TBX6: variants seen among roughly 807,000 people sequenced by gnomAD.
TBX6 encodes the protein T-box transcription factor TBX6.
Under a neutral mutation model 42.3 loss-of-function variants are expected in TBX6, and 29 were observed. That is an observed-to-expected ratio of 0.69 (90% CI 0.51 to 0.93). The LOEUF is 0.93. TBX6 is among the 40% of genes least tolerant of loss of function. The pLI is 0.00. For missense variants in TBX6, 569 were observed against 603.3 expected, an observed-to-expected ratio of 0.94 and a Z score of 0.59; for synonymous variants, 249 against 245.1, an observed-to-expected ratio of 1.02 and a Z score of -0.15.
rs1490709379 is a variant in TBX6 at position 30,086,281 on chromosome 16, G to C, written c.1255C>G (p.Leu419Val). Residue 419 changes from leucine to valine, a missense_variant, in exon 9 of 9, where the codon CTA becomes GTA. Coordinates refer to ENST00000395224, the MANE Select transcript of TBX6 (RefSeq NM_004608.4). This position sits in a 1 kb window ranked among gnomAD's most constrained non-coding sequence, Gnocchi z 4.6. ...TAGCCCCCAGGCGCGGTGTATGGTA[G>C]AGGGAAGGGGCCCCCTTGGAGAAAG... ...PHFLQGGPFP[L>V]PYTAPGGYLD... The C allele has an allele frequency of 1.2e-6, 2 of 1,612,034 alleles. No homozygotes were observed. The highest frequency in any genetic ancestry group is 1.3e-5 in the African/African-American group (1 of 74,950).
In TBX6 at chr16:30,091,249, A is replaced by G; in HGVS notation, c.-48-8T>C. 1.5e-6 allele frequency: 2 copies of G among 1,359,770 alleles called. No homozygotes were observed. The highest frequency in any genetic ancestry group is 9.9e-7 in the Non-Finnish European group (1 of 1,007,164). The allele number at this position is 1,359,770 out of a possible 1,614,324, so 84.2% of individuals were successfully genotyped here. ...TGCTTAGGGCCCCCGGTGCTGCGAG[A>G]TGCCCCCTTTATAGCTCACAGCTCA... On this transcript the variant is annotated splice_region_variant and splice_polypyrimidine_tract_variant and intron_variant, in intron 1 of 8. Coordinates refer to ENST00000395224, the MANE Select transcript of TBX6 (RefSeq NM_004608.4).
At position 30,086,212 on chromosome 16, in the gene TBX6, G is replaced by T. The variant is rs746571534; in HGVS notation, c.*13C>A. The T allele has an allele frequency of 3.7e-6, 6 of 1,609,828 alleles. No homozygotes were observed. Among genetic ancestry groups the T allele is most frequent in the African/African-American group, 2.7e-5 (2 of 74,682 alleles). On this transcript the variant is annotated 3_prime_UTR_variant, in exon 9 of 9. Coordinates refer to ENST00000395224, the MANE Select transcript of TBX6 (RefSeq NM_004608.4). This position sits in a 1 kb window ranked among gnomAD's most constrained non-coding sequence, Gnocchi z 4.6. ...GGAGGTTTGTGATGGAGGCAGAGGG[G>T]CCCAGCAGTGGTTCAGTACATGGGT...
In TBX6 at chr16:30,086,223, GT is replaced by G. The variant is rs771662064; in HGVS notation, c.*1del. 8.7e-6 allele frequency: 14 copies of G among 1,610,848 alleles called. No individual in the cohort carries two copies. The African/African-American group carries it at 1.7e-4, about 20-fold the overall frequency. Reference sequence around the variant, plus strand: ...ATGGAGGCAGAGGGGCCCAGCAGTGGTTCAGTACATGGGTTTGGAGCCCACA... The same window carrying G: ...ATGGAGGCAGAGGGGCCCAGCAGTGGTCAGTACATGGGTTTGGAGCCCACA... On this transcript the variant is annotated 3_prime_UTR_variant, in exon 9 of 9. Transcript: ENST00000395224. This position sits in a 1 kb window ranked among gnomAD's most constrained non-coding sequence, Gnocchi z 4.6.
At chr16:30,087,310 A>T (rs571549549) in intron 6 of TBX6, among the ~76,000 whole-genome samples, 59 of 152,066 alleles carry the variant, frequency 3.9e-4, no homozygotes, top group Non-Finnish European at 6.2e-4. Flanking sequence ...AGCTCACTGC[A>T]GCCTCCAACT....
At position 30,086,096 on chromosome 16, in the gene TBX6, G is replaced by A. The variant is rs1316583695; in HGVS notation, c.*129C>T. 13 of 859,522 alleles carry A rather than the reference G, an allele frequency of 1.5e-5. No homozygotes were observed. The highest frequency in any genetic ancestry group is 2.2e-5 in the Non-Finnish European group (12 of 556,526). The allele number at this position is 859,522 out of a possible 1,614,324, so 53.2% of individuals were successfully genotyped here. ...GAGTGAAATCAAGGTGTGAAGTTGA[G>A]GGGGTGGGTGGGCAGGCCCAAGGCG... On this transcript the variant is annotated 3_prime_UTR_variant, in exon 9 of 9. Coordinates refer to ENST00000395224, the MANE Select transcript of TBX6 (RefSeq NM_004608.4). This position sits in a 1 kb window ranked among gnomAD's most constrained non-coding sequence, Gnocchi z 4.6.
In TBX6 at chr16:30,086,484, G is replaced by T; in HGVS notation, c.1097+28C>A. ...TCAGAGCAGGGCAGAGGGACCCGCA[G>T]CCCCGCCTGGTCCCCTGTCCCACTC... On this transcript the variant is annotated intron_variant, in intron 8 of 8. Transcript: ENST00000395224. The surrounding 1 kb of genome is among the most constrained non-coding windows in gnomAD (Gnocchi z 4.6). The T allele has an allele frequency of 6.7e-7, 1 of 1,485,240 alleles. No individual in the cohort carries two copies. Among genetic ancestry groups the T allele is most frequent in the Non-Finnish European group, 8.9e-7 (1 of 1,121,366 alleles). 92.0% of individuals were successfully genotyped at this position (1,485,240 alleles called of 1,614,324 possible).
chr16:30,086,534 C>A lies in TBX6; in HGVS notation c.1075G>T (p.Ala359Ser). ...CACCTGGTGGGAAGGTGACTGGGGG[C>A]CCCATGGAAAGCCGCAGGGTGCAGG... ...YLLHPAAFHGAPSHLPTRSPS... is the reference protein window; with the variant it reads ...YLLHPAAFHGSPSHLPTRSPS... Residue 359 changes from alanine to serine, a missense_variant, in exon 8 of 9, where the codon GCC (alanine) becomes TCC (serine). This residue lies in a region of TBX6 where 245 missense variants were observed against 227.4 expected (regional missense o/e 1.08). Coordinates refer to ENST00000395224, the MANE Select transcript of TBX6 (RefSeq NM_004608.4). This position sits in a 1 kb window ranked among gnomAD's most constrained non-coding sequence, Gnocchi z 4.6. 1.3e-6 allele frequency: 2 copies of A among 1,514,558 alleles called. No individual in the cohort carries two copies. Among genetic ancestry groups the A allele is most frequent in the Admixed American group, 2.5e-5 (1 of 39,892 alleles). 93.8% of individuals were successfully genotyped at this position (1,514,558 alleles called of 1,614,324 possible).
At chr16:30,087,246 T>TG (rs1318876332) in intron 6 of TBX6, among the ~76,000 whole-genome samples, 2 of 152,134 alleles carry the variant, frequency 1.3e-5, no homozygotes, top group Non-Finnish European at 2.9e-5. Context: ...AAATTTGAGA[T>TG]GGGGTCTTGC....
chr16:30,087,890 TTTTTTTTC>T (rs1037235215), intron 6 of TBX6: 3 of 136,110 alleles, frequency 2.2e-5, no homozygotes, highest in Non-Finnish European at 4.6e-5. Context: ...CTCCTTTTTC[TTTTTTTTC>T]TTTTTTTTTT....
rs980956426 is a variant in TBX6 at position 30,086,064 on chromosome 16, G to A, written c.*161C>T. 1.6e-5 allele frequency: 11 copies of A among 670,712 alleles called. No individual in the cohort carries two copies. Among genetic ancestry groups the A allele is most frequent in the South Asian group, 4.1e-5 (2 of 48,684 alleles). 41.5% of individuals were successfully genotyped at this position (670,712 alleles called of 1,614,324 possible). ...CTTGGTTAGGCTTTGAAGCCAGAGGGGGGTGGGAGTGAAATCAAGGTGTGA... is the reference window on the plus strand; with the variant it reads ...CTTGGTTAGGCTTTGAAGCCAGAGGAGGGTGGGAGTGAAATCAAGGTGTGA... On this transcript the variant is annotated 3_prime_UTR_variant, in exon 9 of 9. Transcript: ENST00000395224. The surrounding 1 kb of genome is among the most constrained non-coding windows in gnomAD (Gnocchi z 4.6).
Position 30,090,935 on chromosome 16 carries a change from G to A in TBX6, c.176C>T (p.Thr59Ile). Residue 59 changes from threonine to isoleucine, a missense_variant, in exon 3 of 9, where the codon ACC becomes ATC. Physicochemically the swap from Thr to Ile is moderately conservative, Grantham distance 89 (BLOSUM62 -1). Coordinates refer to ENST00000395224, the MANE Select transcript of TBX6 (RefSeq NM_004608.4). ...FLSGMEAAPR[T>I]LAAHPPLPLL... is the part of the protein sequence containing the mutation. ...GGGCAGAGGTGGGTGCGCGGCCAGG[G>A]TGCGGGGAGCAGCCTCCATCCCGGA... 6.2e-7 allele frequency: 1 copy of A among 1,613,248 alleles called. No homozygotes were observed. Among genetic ancestry groups the A allele is most frequent in the Non-Finnish European group, 8.5e-7 (1 of 1,179,836 alleles).
rs1367166341 is a variant in TBX6, at chr16:30,086,903, G to A, written c.840-52C>T. 8 of 1,584,014 alleles carry A rather than the reference G, an allele frequency of 5.1e-6. No individual in the cohort carries two copies. The highest frequency in any genetic ancestry group is 1.7e-4 in the Middle Eastern group (1 of 6,016). On this transcript the variant is annotated intron_variant, in intron 6 of 8. Transcript: ENST00000395224. This position sits in a 1 kb window ranked among gnomAD's most constrained non-coding sequence, Gnocchi z 4.6. Reference sequence around the variant, plus strand: ...TGATGATGGTGATGGCCATGGTGATGGTAACAGTACTTACCCGGTGCCAGG... The same window carrying A: ...TGATGATGGTGATGGCCATGGTGATAGTAACAGTACTTACCCGGTGCCAGG...
intron 3 of TBX6, 47 bp from the exon 4 acceptor site, chr16:30,089,257 A>G (rs747420420): frequency 3.8e-6 from 6 of 1,581,720 alleles, no homozygotes; most frequent in Non-Finnish European, 5.2e-6. Context: ...CCCACTGGCC[A>G]GGGGTGGGCC....
rs745455047 is a variant in TBX6 at position 30,086,763 on chromosome 16, C to T, written c.913+15G>A. On this transcript the variant is annotated intron_variant, in intron 7 of 8. Transcript: ENST00000395224. This position sits in a 1 kb window ranked among gnomAD's most constrained non-coding sequence, Gnocchi z 4.6. Reference sequence around the variant, plus strand: ...GTCTCAGGCCTGGCCCCATCGCCATCGGGACTACACTCACCTCCGCTCCCA... The same window carrying T: ...GTCTCAGGCCTGGCCCCATCGCCATTGGGACTACACTCACCTCCGCTCCCA... 6.8e-6 allele frequency: 11 copies of T among 1,613,714 alleles called. No individual in the cohort carries two copies. In the South Asian group the frequency reaches 9.9e-5, roughly 15 times the overall value.
In TBX6 at chr16:30,090,771, T is replaced by C. The variant is rs2072708917; in HGVS notation, c.340A>G (p.Thr114Ala). 1.9e-6 allele frequency: 3 copies of C among 1,608,888 alleles called. No homozygotes were observed. The highest frequency in any genetic ancestry group is 2.7e-5 in the African/African-American group (2 of 74,584). The change falls in exon 3 of 9, where the codon ACC (threonine) becomes GCC (alanine). Residue 114 changes from threonine (T) to alanine (A), a missense_variant. Around this residue, in one of 3 missense-constraint regions of TBX6, gnomAD observed 190 missense variants for 250.6 expected, o/e 0.76. Transcript: ENST00000395224. ...CCAGCCCCTCACCTCCCAGCTTTGG[T>C]GATGATCATTTCTGTTCCCACAGAG... is the stretch of plus-strand genomic sequence containing the variant. ...FSSVGTEMII[T>A]KAGRRMFPAC...
At position 30,088,502 on chromosome 16, in the gene TBX6, A is replaced by G. The variant is rs778172102; in HGVS notation, c.839+43T>C. The G allele has an allele frequency of 1.7e-5, 28 of 1,612,722 alleles. No individual in the cohort carries two copies. The South Asian group carries it at 3.1e-4, about 18-fold the overall frequency. ...CCTGGCACACAGTGAGTGATTAATA[A>G]ACATTTGTTGAATGCATGAACAAAT... On this transcript the variant is annotated intron_variant, in intron 6 of 8. Transcript: ENST00000395224. The surrounding 1 kb of genome is among the most constrained non-coding windows in gnomAD (Gnocchi z 4.1).
rs1208820999 is a variant in TBX6, at chr16:30,088,306, C to CT, written c.839+238dup. On this transcript the variant is annotated intron_variant, in intron 6 of 8. Transcript: ENST00000395224. The surrounding 1 kb of genome is among the most constrained non-coding windows in gnomAD (Gnocchi z 4.1). ...TATTTCTCTTGTCTGCTTGTCTACT[C>CT]TCCCCACTAGAAATCAGCTGCATGA... 2 of 584,374 alleles carry CT rather than the reference C, an allele frequency of 3.4e-6. No individual in the cohort carries two copies. The allele number at this position is 584,374 out of a possible 1,614,324, so 36.2% of individuals were successfully genotyped here. A position where few individuals can be genotyped will look rare whatever the true frequency, so the allele number is the denominator to read the frequency against.
rs777122775 is a variant in TBX6 at position 30,086,766 on chromosome 16, G to A, written c.913+12C>T. On this transcript the variant is annotated intron_variant, in intron 7 of 8. Transcript: ENST00000395224. The surrounding 1 kb of genome is among the most constrained non-coding windows in gnomAD (Gnocchi z 4.6). ...TCAGGCCTGGCCCCATCGCCATCGG[G>A]ACTACACTCACCTCCGCTCCCATAG... is the stretch of plus-strand genomic sequence containing the variant. The A allele has an allele frequency of 7.4e-6, 12 of 1,613,882 alleles. No homozygotes were observed. Among genetic ancestry groups the A allele is most frequent in the Non-Finnish European group, 1.0e-5 (12 of 1,179,920 alleles).
Position 30,088,804 on chromosome 16 carries a change from G to A in TBX6, c.657C>T (p.Arg219=). 6.2e-7 allele frequency: 1 copy of A among 1,614,140 alleles called. No homozygotes were observed. The highest frequency in any genetic ancestry group is 1.1e-5 in the South Asian group (1 of 91,090). The change falls in exon 5 of 9, where the codon CGC becomes CGT. Residue 219 remains arginine, a synonymous_variant. Coordinates refer to ENST00000395224, the MANE Select transcript of TBX6 (RefSeq NM_004608.4). The surrounding 1 kb of genome is among the most constrained non-coding windows in gnomAD (Gnocchi z 4.1). ...ILHSMHKYQP[R]IHLVRAAQLC... is the part of the protein sequence containing the mutation. Reference sequence around the variant, plus strand: ...GCTGGGCTGCCCGAACTAGGTGTATGCGGGGTTGGTACTTGTGCATGGAGT... The same window carrying A: ...GCTGGGCTGCCCGAACTAGGTGTATACGGGGTTGGTACTTGTGCATGGAGT...
Sources: allele counts gnomAD v4.1 joint callset (sites outside exome capture counted in the v4.1 genomes callset), GRCh38; gene constraint gnomAD v4.1.1; regional missense constraint gnomAD v4.1.1; non-coding constraint Gnocchi (gnomAD v3.1); transcripts MANE v1.5; gene names NCBI Gene and HGNC (gene_info 2026-07-23, HGNC 2026-07-21).